The following TSHZ1 variants were observed in gnomAD, a reference collection of about 807,000 sequenced individuals.
The protein encoded by TSHZ1 is teashirt homolog 1.
Under a neutral mutation model 67.1 loss-of-function variants are expected in TSHZ1, and 12 were observed. The ratio of observed to expected loss-of-function variants is 0.18; its 90% CI spans 0.11 to 0.29. The LOEUF is 0.29. Ranked by LOEUF, TSHZ1 falls within the 10% of genes least tolerant of loss-of-function variation. The probability of loss-of-function intolerance (pLI) is 1.00; values close to 1 mark genes in which losing one functional copy is unlikely to be tolerated. For missense variants in TSHZ1, 1,305 were observed against 1,413.9 expected (o/e 0.92, Z 1.23); for synonymous variants, 632 against 622.4 (o/e 1.02, Z -0.23).
At chr18:75,246,010 C>T (rs917232072) in intron 1 of TSHZ1, among the ~76,000 whole-genome samples, 2 of 152,164 alleles carry the variant, frequency 1.3e-5, no homozygotes, top group Admixed American at 1.3e-4. Flanking sequence ...GCGGGCTTCC[C>T]CTCTCCCCCA....
Position 75,285,578 on chromosome 18 carries a change from G to A in TSHZ1, c.171G>A (p.Gln57=). The change falls in exon 2 of 2, where the codon CAG becomes CAA. Residue 57 remains glutamine, a synonymous_variant. Coordinates refer to ENST00000580243, the MANE Select transcript of TSHZ1 (RefSeq NM_001308210.2). ...AAGAGACGGAGATCAAAGAGGCGCA[G>A]AGCTACCAGAACTCCCCAGTCAGCT... ...CNEETEIKEA[Q]SYQNSPVSSA... 6.2e-7 allele frequency: 1 copy of A among 1,602,390 alleles called. No homozygotes were observed. Among genetic ancestry groups the A allele is most frequent in the East Asian group, 2.2e-5 (1 of 44,538 alleles).
intron 1 of TSHZ1, among the ~76,000 whole-genome samples, chr18:75,235,450 A>G (rs370740838): frequency 6.6e-6 from 1 of 152,142 alleles, no homozygotes; most frequent in Non-Finnish European, 1.5e-5. Flanking sequence ...AATTGGGATG[A>G]TAATACCTGG....
At position 75,211,554 on chromosome 18, in the gene TSHZ1, C is replaced by G. The variant is rs2022688391; in HGVS notation, c.-323C>G. On this transcript the variant is annotated 5_prime_UTR_variant, in exon 1 of 2. Coordinates refer to ENST00000580243, the MANE Select transcript of TSHZ1 (RefSeq NM_001308210.2). ...GCATGGAGCGCGGGCCGCGGGCCGG[C>G]CCGCCGAGCGCCCGCTGCTGCGCCC... 1 of 143,866 alleles carries G rather than the reference C, an allele frequency of 7.0e-6. No homozygotes were observed. Among genetic ancestry groups the G allele is most frequent in the African/African-American group, 2.5e-5 (1 of 40,162 alleles). The allele number at this position is 143,866 out of a possible 1,614,324, so 8.9% of individuals were successfully genotyped here.
At chr18:75,224,833 T>A (rs1365379074) in intron 1 of TSHZ1, among the ~76,000 whole-genome samples, 1 of 152,172 alleles carries the variant, frequency 6.6e-6, no homozygotes, top group African/African-American at 2.4e-5. Context: ...TTCCCTGTTC[T>A]TTCTCAAGCC....
intron 1 of TSHZ1, among the ~76,000 whole-genome samples, chr18:75,271,318 A>G (rs887797966): frequency 2.0e-5 from 3 of 152,250 alleles, no homozygotes; most frequent in Admixed American, 2.0e-4. Flanking sequence ...TCCTTCGGAT[A>G]GATCAAGGAG....
At chr18:75,245,550 G>A (rs2023211538) in intron 1 of TSHZ1, 2 of 152,216 alleles carry the variant, frequency 1.3e-5, no homozygotes, top group Non-Finnish European at 1.5e-5. Context: ...TGCACCAGAC[G>A]TGGGCTGTCT....
At chr18:75,224,692 G>A (rs1599026894) in intron 1 of TSHZ1, among the ~76,000 whole-genome samples, 1 of 151,668 alleles carries the variant, frequency 6.6e-6, no homozygotes, top group East Asian at 2.0e-4. Context: ...AATTGTCCAT[G>A]TTTAAATTCA....
intron 1 of TSHZ1, among the ~76,000 whole-genome samples, chr18:75,265,663 T>A (rs370735199): frequency 6.6e-6 from 1 of 152,220 alleles, no homozygotes; most frequent in East Asian, 1.9e-4. Context: ...TAAAATTTAA[T>A]ATTGGGGTAG....
chr18:75,287,559 C>G lies in TSHZ1; in HGVS notation c.2152C>G (p.Pro718Ala). Residue 718 changes from proline to alanine, a missense_variant, in exon 2 of 2, where the codon CCT becomes GCT. Pro to Ala is a conservative substitution (Grantham distance 27, BLOSUM62 -1). Coordinates refer to ENST00000580243, the MANE Select transcript of TSHZ1 (RefSeq NM_001308210.2). This position sits in a 1 kb window ranked among gnomAD's most constrained non-coding sequence, Gnocchi z 5.0. ...LDVHTPNGTEPLKAKVTNGCN... is the reference protein window; with the variant it reads ...LDVHTPNGTEALKAKVTNGCN... ...CGTTCACACCCCAAATGGCACAGAGCCTCTCAAAGCAAAGGTCACCAACGG... is the reference window on the plus strand; with the variant it reads ...CGTTCACACCCCAAATGGCACAGAGGCTCTCAAAGCAAAGGTCACCAACGG... 1 of 1,614,220 alleles carries G rather than the reference C, an allele frequency of 6.2e-7. No homozygotes were observed. Among genetic ancestry groups the G allele is most frequent in the Admixed American group, 1.7e-5 (1 of 60,032 alleles).
At chr18:75,231,133 C>T (rs2022993699) in intron 1 of TSHZ1, among the ~76,000 whole-genome samples, 1 of 152,196 alleles carries the variant, frequency 6.6e-6, no homozygotes, top group Non-Finnish European at 1.5e-5. Context: ...TGTGCGTGGG[C>T]CTGACAGGCT....
intron 1 of TSHZ1, among the ~76,000 whole-genome samples, chr18:75,254,136 T>C (rs555127934): frequency 4.6e-5 from 7 of 152,300 alleles, no homozygotes; most frequent in African/African-American, 1.4e-4. Context: ...AAAATGAAAA[T>C]TAAATCTTGG....
chr18:75,276,478 C>T (rs747591746), intron 1 of TSHZ1, among the ~76,000 whole-genome samples: 1 of 151,956 alleles, frequency 6.6e-6, no homozygotes, highest in Non-Finnish European at 1.5e-5. Context: ...TTTTTTGTTT[C>T]CCAGCGTATT....
At chr18:75,246,845 T>G (rs1288906943) in intron 1 of TSHZ1, among the ~76,000 whole-genome samples, 1 of 150,702 alleles carries the variant, frequency 6.6e-6, no homozygotes, top group Non-Finnish European at 1.5e-5. Context: ...TTCTGAAGGC[T>G]GCTATCAAGT....
chr18:75,221,479 G>A (rs2022844522), intron 1 of TSHZ1, among the ~76,000 whole-genome samples: 1 of 152,140 alleles, frequency 6.6e-6, no homozygotes, highest in Admixed American at 6.5e-5. Flanking sequence ...AGCAAGAAAT[G>A]GTACGACATA....
intron 1 of TSHZ1, among the ~76,000 whole-genome samples, chr18:75,212,441 T>C (rs2022711402): frequency 6.6e-6 from 1 of 152,030 alleles, no homozygotes; most frequent in Non-Finnish European, 1.5e-5. Context: ...AGATGTCTTT[T>C]GATCAGGCCA....
At chr18:75,242,306 G>GC (rs1312002945) in intron 1 of TSHZ1, among the ~76,000 whole-genome samples, 1 of 152,190 alleles carries the variant, frequency 6.6e-6, no homozygotes, top group Non-Finnish European at 1.5e-5. Context: ...GCCATTGCTG[G>GC]CCCCACAGTG....
At chr18:75,268,697 C>T (rs949370493) in intron 1 of TSHZ1, among the ~76,000 whole-genome samples, 9 of 152,160 alleles carry the variant, frequency 5.9e-5, no homozygotes, top group Admixed American at 2.0e-4. Context: ...GCAAACCATG[C>T]GAGTTACAGT....
At chr18:75,215,675 G>A (rs1348424243) in intron 1 of TSHZ1, among the ~76,000 whole-genome samples, 1 of 152,194 alleles carries the variant, frequency 6.6e-6, no homozygotes, top group East Asian at 1.9e-4. Context: ...ATGTTGATTG[G>A]ATGAGTAAGT....
chr18:75,230,572 A>C (rs1489663788), intron 1 of TSHZ1, among the ~76,000 whole-genome samples: 1 of 152,156 alleles, frequency 6.6e-6, no homozygotes, highest in Non-Finnish European at 1.5e-5. Context: ...ATTCATCTTA[A>C]GGGTCATCCA....
Sources: gnomAD v4.1 joint callset for allele counts (sites outside exome capture counted in the v4.1 genomes callset) on GRCh38, gnomAD v4.1.1 for gene constraint, Gnocchi (gnomAD v3.1) non-coding constraint, MANE v1.5 for transcripts, NCBI Gene and HGNC (gene_info 2026-07-23, HGNC 2026-07-21) for gene names.